Variants in ZNF804B observed in about 807,000 individuals in gnomAD.
ZNF804B encodes the protein zinc finger protein 804B.
In ZNF804B, 80 loss-of-function variants were observed where a neutral mutation model predicts 101.4. The ratio of observed to expected loss-of-function variants is 0.79; its 90% CI spans 0.66 to 0.95. ZNF804B has a LOEUF of 0.95. Ranked by LOEUF, ZNF804B falls within the 40% of genes least tolerant of loss-of-function variation. The pLI is 0.00. For synonymous variants in ZNF804B, 622 were observed against 558.8 expected, an observed-to-expected ratio of 1.11 and a Z score of -1.59; for missense variants, 1,673 against 1,561.9, an observed-to-expected ratio of 1.07 and a Z score of -1.20.
intron 1 of ZNF804B, among the ~76,000 whole-genome samples, chr7:88,785,588 C>T (rs1022782721): frequency 6.6e-6 from 1 of 152,000 alleles, no homozygotes; most frequent in Non-Finnish European, 1.5e-5. Flanking sequence ...GGTCATGATA[C>T]TTCTTTATTC....
At chr7:89,077,559 C>A (rs1789633634) in intron 1 of ZNF804B, among the ~76,000 whole-genome samples, 1 of 152,000 alleles carries the variant, frequency 6.6e-6, no homozygotes, top group African/African-American at 2.4e-5. Flanking sequence ...AAGATAAAAC[C>A]TTGTGGTGCC....
At chr7:89,310,147 A>G (rs990733880) in intron 2 of ZNF804B, among the ~76,000 whole-genome samples, 5 of 151,656 alleles carry the variant, frequency 3.3e-5, no homozygotes, top group African/African-American at 7.3e-5. Context: ...CATGGAATGC[A>G]GTTCTGATGC....
chr7:88,782,940 T>G (rs1403996263), intron 1 of ZNF804B, among the ~76,000 whole-genome samples: 2 of 152,122 alleles, frequency 1.3e-5, no homozygotes, highest in Non-Finnish European at 2.9e-5. Flanking sequence ...TTATGTGAGA[T>G]CACTAAACAT....
chr7:88,780,376 ACT>A (rs1790205769), intron 1 of ZNF804B, among the ~76,000 whole-genome samples: 1 of 144,238 alleles, frequency 6.9e-6, no homozygotes, highest in Non-Finnish European at 1.5e-5. Flanking sequence ...AATGGTAAAT[ACT>A]TTTTTGTCTT....
intron 1 of ZNF804B, among the ~76,000 whole-genome samples, chr7:88,863,184 T>C (rs1791675749): frequency 6.6e-6 from 1 of 152,164 alleles, no homozygotes; most frequent in African/African-American, 2.4e-5. Context: ...TCATAGCTTT[T>C]CACATGCTGT....
chr7:89,306,350 C>T (rs1302039357), intron 2 of ZNF804B, among the ~76,000 whole-genome samples: 1 of 151,998 alleles, frequency 6.6e-6, no homozygotes, highest in East Asian at 1.9e-4. Context: ...TTCACAAAGT[C>T]AAGGATTCCA....
At chr7:89,277,371 A>C (rs1207739245) in intron 2 of ZNF804B, among the ~76,000 whole-genome samples, 1 of 147,670 alleles carries the variant, frequency 6.8e-6, no homozygotes, top group Non-Finnish European at 1.5e-5. Flanking sequence ...GTACATGTGC[A>C]CAATGTGCAG....
At chr7:89,018,084 C>T (rs530830791) in intron 1 of ZNF804B, among the ~76,000 whole-genome samples, 19 of 152,084 alleles carry the variant, frequency 1.2e-4, no homozygotes, top group South Asian at 1.2e-3. Context: ...GGGCATTCTT[C>T]GCATGTTCGA....
intron 1 of ZNF804B, among the ~76,000 whole-genome samples, chr7:89,101,292 A>G (rs1431743086): frequency 2.0e-5 from 3 of 152,056 alleles, no homozygotes; most frequent in African/African-American, 7.2e-5. Context: ...CGAGGTTGGC[A>G]TTCAAACAGA....
chr7:88,972,757 A>C (rs990107619), intron 1 of ZNF804B, among the ~76,000 whole-genome samples: 29 of 151,352 alleles, frequency 1.9e-4, no homozygotes, highest in Admixed American at 9.9e-4. Flanking sequence ...CAAAAAAAAA[A>C]CCAGAACTCC....
At chr7:89,050,752 C>T (rs767944068) in intron 1 of ZNF804B, among the ~76,000 whole-genome samples, 5 of 152,008 alleles carry the variant, frequency 3.3e-5, no homozygotes, top group Admixed American at 3.3e-4. Flanking sequence ...ATATCAAAAC[C>T]GGCTCATTAT....
chr7:89,028,529 G>A (rs1188525267), intron 1 of ZNF804B, among the ~76,000 whole-genome samples: 3 of 152,056 alleles, frequency 2.0e-5, no homozygotes, highest in Admixed American at 2.0e-4. Flanking sequence ...TTTGAATGCC[G>A]TTTTCTACTT....
intron 1 of ZNF804B, among the ~76,000 whole-genome samples, chr7:89,212,012 G>C (rs1788812488): frequency 6.6e-6 from 1 of 151,914 alleles, no homozygotes; most frequent in South Asian, 2.1e-4. Flanking sequence ...TGTCCTCTCT[G>C]AGTTACTTGA....
chr7:89,284,249 G>C (rs987336027), intron 2 of ZNF804B, among the ~76,000 whole-genome samples: 1 of 152,180 alleles, frequency 6.6e-6, no homozygotes, highest in African/African-American at 2.4e-5. Flanking sequence ...AATGCCTTGT[G>C]ATGCTGATCA....
chr7:89,254,651 A>ATTAT (rs1562929083), intron 2 of ZNF804B, among the ~76,000 whole-genome samples: 28 of 117,586 alleles, frequency 2.4e-4, no homozygotes, highest in African/African-American at 8.2e-4. Flanking sequence ...TATTTTTATT[A>ATTAT]TTTTTTTTTT....
At chr7:88,940,493 C>A (rs1793039840) in intron 1 of ZNF804B, among the ~76,000 whole-genome samples, 1 of 151,666 alleles carries the variant, frequency 6.6e-6, no homozygotes, top group South Asian at 2.1e-4. Context: ...ATAGAATGGC[C>A]AGGTGTGGTG....
chr7:88,834,878 C>T (rs1791187111), intron 1 of ZNF804B, among the ~76,000 whole-genome samples: 1 of 151,690 alleles, frequency 6.6e-6, no homozygotes, highest in African/African-American at 2.4e-5. Flanking sequence ...TGATGAAATA[C>T]TCACTTGCAA....
At chr7:88,954,397 G>A (rs1186706627) in intron 1 of ZNF804B, among the ~76,000 whole-genome samples, 1 of 151,658 alleles carries the variant, frequency 6.6e-6, no homozygotes, top group Non-Finnish European at 1.5e-5. Flanking sequence ...AAACACATCA[G>A]CAAGAGATTG....
At chr7:89,301,141 T>C (rs1300181968) in intron 2 of ZNF804B, among the ~76,000 whole-genome samples, 1 of 150,652 alleles carries the variant, frequency 6.6e-6, no homozygotes, top group East Asian at 1.9e-4. Flanking sequence ...TTCTCTTTTT[T>C]TCCGCAACAG....
Sources: allele counts gnomAD v4.1 joint callset (sites outside exome capture counted in the v4.1 genomes callset), GRCh38; gene constraint gnomAD v4.1.1; transcripts MANE v1.5; gene names NCBI Gene and HGNC (gene_info 2026-07-23, HGNC 2026-07-21).